The following PTPRK variants were observed in gnomAD, a reference collection of about 807,000 sequenced individuals.
The protein encoded by PTPRK is receptor-type tyrosine-protein phosphatase kappa.
Under a neutral mutation model 178.0 loss-of-function variants are expected in PTPRK, and 75 were observed. The ratio of observed to expected loss-of-function variants is 0.42; its 90% confidence interval spans 0.35 to 0.51. PTPRK has a LOEUF of 0.51. PTPRK is among the 20% of genes least tolerant of loss of function. PTPRK has a pLI of 0.02. For synonymous variants in PTPRK, 637 were observed against 620.6 expected (o/e 1.03, Z -0.39); for missense variants, 1,441 against 1,797.8 (o/e 0.80, Z 3.59).
intron 2 of PTPRK, among the ~76,000 whole-genome samples, chr6:128,329,010 A>AG (rs1829926962): frequency 6.6e-6 from 1 of 152,162 alleles, no homozygotes; most frequent in Non-Finnish European, 1.5e-5. Flanking sequence ...AAAATGAAAG[A>AG]GAAAAAAGGA....
chr6:128,130,707 C>T (rs1192798000), intron 7 of PTPRK, among the ~76,000 whole-genome samples: 1 of 152,036 alleles, frequency 6.6e-6, no homozygotes, highest in Non-Finnish European at 1.5e-5. Context: ...TTGGCAATTA[C>T]ATTAAACACT....
rs547609488 is a variant in PTPRK, at chr6:128,219,329, A to G, written c.694-233T>C. On this transcript the variant is annotated intron_variant, in intron 5 of 29. Coordinates refer to ENST00000368226, the MANE Select transcript of PTPRK (RefSeq NM_002844.4). ...TCCTGGAAGACAATTTTTCTATGGA[A>G]CAATGAGGGGATGATTTCAGGATGA... 3.6e-3 allele frequency among the ~76,000 whole-genome samples: 555 copies of G among 152,290 alleles called. 11 individuals are homozygous for G. Among genetic ancestry groups the G allele is most frequent in the Non-Finnish European group, 5.9e-4 (40 of 68,016 alleles).
intron 2 of PTPRK, among the ~76,000 whole-genome samples, chr6:128,352,078 A>T (rs1833231588): frequency 6.6e-6 from 1 of 151,850 alleles, no homozygotes; most frequent in Admixed American, 6.6e-5. Context: ...AACATGGTGA[A>T]ACCTGTCTCT....
intron 1 of PTPRK, among the ~76,000 whole-genome samples, chr6:128,488,938 G>C (rs1249623471): frequency 6.7e-6 from 1 of 150,164 alleles, no homozygotes; most frequent in African/African-American, 2.4e-5. Flanking sequence ...AAAAAAATAA[G>C]AAAAACTACT....
chr6:128,296,823 G>C (rs998528376), intron 3 of PTPRK, among the ~76,000 whole-genome samples: 3 of 152,070 alleles, frequency 2.0e-5, no homozygotes, highest in Non-Finnish European at 2.9e-5. Context: ...CAACTAACGA[G>C]CAAAATAACC....
intron 25 of PTPRK, among the ~76,000 whole-genome samples, chr6:127,979,577 A>C (rs1775023931): frequency 6.6e-6 from 1 of 152,230 alleles, no homozygotes; most frequent in African/African-American, 2.4e-5. Flanking sequence ...CAAGACTCCG[A>C]TCACAGCAAG....
At chr6:128,003,300 T>A in intron 15 of PTPRK, 1 of 1,312,970 alleles carries the variant, frequency 7.6e-7, no homozygotes, top group Non-Finnish European at 1.1e-6. Flanking sequence ...CTTTTTTCTT[T>A]AAAATAGATT....
At chr6:128,303,786 T>C (rs527881992) in intron 3 of PTPRK, among the ~76,000 whole-genome samples, 1 of 152,238 alleles carries the variant, frequency 6.6e-6, no homozygotes, top group South Asian at 2.1e-4. Context: ...ATTTTTTTTC[T>C]TTAAAACAAT....
intron 22 of PTPRK, among the ~76,000 whole-genome samples, chr6:127,985,197 T>C (rs563730769): frequency 1.6e-4 from 25 of 152,318 alleles, no homozygotes; most frequent in African/African-American, 6.0e-4. Context: ...TGCTCGTGTT[T>C]TTTGGCATAT....
intron 6 of PTPRK, among the ~76,000 whole-genome samples, chr6:128,203,102 A>G (rs1806265452): frequency 6.6e-6 from 1 of 152,236 alleles, no homozygotes; most frequent in African/African-American, 2.4e-5. Context: ...TTGGTTCAAC[A>G]TACACAAATA....
intron 1 of PTPRK, among the ~76,000 whole-genome samples, chr6:128,492,658 T>C (rs989333570): frequency 3.3e-5 from 5 of 152,234 alleles, no homozygotes; most frequent in African/African-American, 1.2e-4. Context: ...GACAAGTTCA[T>C]AGCTGTTATT....
chr6:128,192,447 A>G (rs1803963411), intron 6 of PTPRK, among the ~76,000 whole-genome samples: 1 of 152,128 alleles, frequency 6.6e-6, no homozygotes, highest in African/African-American at 2.4e-5. Context: ...GCGCCTGACA[A>G]AGTTCAATAC....
chr6:128,401,143 A>G (rs868513867), intron 1 of PTPRK, among the ~76,000 whole-genome samples: 1 of 152,184 alleles, frequency 6.6e-6, no homozygotes, highest in South Asian at 2.1e-4. Context: ...GGACAGATCT[A>G]TCACCGAAAT....
intron 1 of PTPRK, among the ~76,000 whole-genome samples, chr6:128,435,046 CAGGAAGGAAGGAAGGA>C (rs759976402): frequency 5.2e-3 from 379 of 72,470 alleles, no homozygotes; most frequent in Middle Eastern, 0.014. Context: ...GGCAGGAAGG[CAGGAAGGAAGGAAGGA>C]AGGAAGGAAG....
At chr6:128,007,197 G>A (rs1421501637) in intron 14 of PTPRK, among the ~76,000 whole-genome samples, 1 of 150,826 alleles carries the variant, frequency 6.6e-6, no homozygotes, top group Admixed American at 6.6e-5. Context: ...TGGTACATGT[G>A]TGACACGCTA....
chr6:128,112,084 A>C (rs1291094783), intron 7 of PTPRK, among the ~76,000 whole-genome samples: 1 of 152,058 alleles, frequency 6.6e-6, no homozygotes, highest in East Asian at 1.9e-4. Flanking sequence ...TAGCAAACTA[A>C]ATCTTGATAA....
At chr6:128,264,122 T>TG (rs1261674982) in intron 3 of PTPRK, among the ~76,000 whole-genome samples, 5 of 152,116 alleles carry the variant, frequency 3.3e-5, no homozygotes, top group African/African-American at 4.8e-5. Context: ...CAGAGGAAGA[T>TG]GGGGGGTCCT....
intron 3 of PTPRK, among the ~76,000 whole-genome samples, chr6:128,273,404 C>T (rs1216584278): frequency 6.6e-6 from 1 of 151,970 alleles, no homozygotes; most frequent in African/African-American, 2.4e-5. Context: ...TAACTATCAA[C>T]TGTTTACAGA....
chr6:128,353,181 A>G (rs1215159918), intron 2 of PTPRK, among the ~76,000 whole-genome samples: 1 of 152,240 alleles, frequency 6.6e-6, no homozygotes, highest in Admixed American at 6.5e-5. Flanking sequence ...TGAGATCACT[A>G]AACAACTATT....
Sources: allele counts gnomAD v4.1 joint callset (sites outside exome capture counted in the v4.1 genomes callset), GRCh38; gene constraint gnomAD v4.1.1; transcripts MANE v1.5; gene names NCBI Gene and HGNC (gene_info 2026-07-23, HGNC 2026-07-21).